The following ALOXE3 variants were observed in gnomAD, a reference collection of about 807,000 sequenced individuals.
ALOXE3 encodes the protein hydroperoxide isomerase ALOXE3.
ALOXE3 carries 78 observed loss-of-function variants against 87.5 expected under a neutral mutation model. The observed-to-expected ratio is 0.89, with a 90% CI of 0.74 to 1.08. The LOEUF is 1.08. Ranked by LOEUF, ALOXE3 falls within the 50% of genes least tolerant of loss-of-function variation. The pLI, the probability that ALOXE3 is intolerant of heterozygous loss-of-function variation, is 0.00. For synonymous variants in ALOXE3, 363 were observed against 370.8 expected (o/e 0.98, Z 0.24); for missense variants, 946 against 912.4 (o/e 1.04, Z -0.47).
rs749374028 is a variant in ALOXE3, at chr17:8,108,613, C to T, written c.1563-24G>A. On this transcript the variant is annotated intron_variant, in intron 12 of 15. Transcript: ENST00000448843. Reference sequence around the variant, plus strand: ...AGCTGCAGGAAAGAGATGCTGGTACCACTGGAGTAACCACGGGCTCAGTCC... The same window carrying T: ...AGCTGCAGGAAAGAGATGCTGGTACTACTGGAGTAACCACGGGCTCAGTCC... The T allele has an allele frequency of 2.5e-6, 4 of 1,606,212 alleles. No homozygotes were observed. The Admixed American group carries it at 5.0e-5, about 20-fold the overall frequency.
At chr17:8,108,638 C>A (rs1979720319) in intron 12 of ALOXE3, 49 bp from the exon 13 acceptor site, 1 of 1,597,366 alleles carries the variant, frequency 6.3e-7, no homozygotes, top group East Asian at 2.3e-5. Flanking sequence ...GGGCTCAGTC[C>A]TGGCCAGGAA....
rs894705608 is a variant in ALOXE3 at position 8,111,988 on chromosome 17, T to A, written c.784+105A>T. Reference sequence around the variant, plus strand: ...AGCCCCTCCCACTCAAATCCAGCAGTCTCCCTGGGAGGGCTGGGAGAGGGC... The same window carrying A: ...AGCCCCTCCCACTCAAATCCAGCAGACTCCCTGGGAGGGCTGGGAGAGGGC... On this transcript the variant is annotated intron_variant, in intron 7 of 15. Transcript: ENST00000448843. 3.8e-6 allele frequency: 4 copies of A among 1,046,822 alleles called. No individual in the cohort carries two copies. The African/African-American group carries it at 4.7e-5, about 12-fold the overall frequency. The allele number at this position is 1,046,822 out of a possible 1,614,324, so 64.8% of individuals were successfully genotyped here. A position where few individuals can be genotyped will look rare whatever the true frequency, so the allele number is the denominator to read the frequency against.
At chr17:8,111,243 C>A in intron 8 of ALOXE3, 116 bp downstream of exon 8, 2 of 1,288,378 alleles carry the variant, frequency 1.6e-6, no homozygotes, top group Non-Finnish European at 2.2e-6. Flanking sequence ...GAGGATGAGG[C>A]CCACAGGTGA....
chr17:8,110,655 G>T, intron 8 of ALOXE3, 127 bp from the exon 9 acceptor site: 1 of 1,375,408 alleles, frequency 7.3e-7, no homozygotes, highest in South Asian at 1.3e-5. Flanking sequence ...AATTCTTGGT[G>T]CCTGAATTAA....
At chr17:8,103,255 C>G in intron 15 of ALOXE3, 68 bp downstream of exon 15, 1 of 1,582,156 alleles carries the variant, frequency 6.3e-7, no homozygotes, top group Non-Finnish European at 8.7e-7. Context: ...AGCCCCCAGA[C>G]GAAGCCACCA....
chr17:8,115,185 G>A, intron 4 of ALOXE3, 128 bp from the exon 5 acceptor site: 1 of 1,318,668 alleles, frequency 7.6e-7, no homozygotes, highest in Non-Finnish European at 1.1e-6. Context: ...ACAAGGAATT[G>A]GACATTTCTC....
chr17:8,111,898 C>T (rs1980124525), intron 7 of ALOXE3, among the ~76,000 whole-genome samples, 195 bp downstream of exon 7: 1 of 152,092 alleles, frequency 6.6e-6, no homozygotes, highest in South Asian at 2.1e-4. Flanking sequence ...CTGTTTTTGT[C>T]CCCTCCTCAG....
rs550024810 is a variant in ALOXE3 at position 8,100,221 on chromosome 17, G to A, written c.1956+3102C>T. On this transcript the variant is annotated intron_variant, in intron 15 of 15. Transcript: ENST00000448843. ...TCTGGGCCTAGACTTGAAGAAATCT[G>A]AAAGCTTGTTTGCAATCTTGGAAGC... Among the ~76,000 whole-genome samples the A allele has an allele frequency of 2.0e-5, 3 of 152,276 alleles. No homozygotes were observed. The South Asian group carries it at 6.2e-4, about 32-fold the overall frequency.
intron 7 of ALOXE3, 110 bp from the exon 8 acceptor site, chr17:8,111,641 T>C (rs1275413072): frequency 4.5e-6 from 5 of 1,114,256 alleles, no homozygotes; most frequent in Non-Finnish European, 4.1e-6. Flanking sequence ...CCAAAAACTC[T>C]ATGAGGTAGG....
chr17:8,102,514 T>C (rs1415583623), intron 15 of ALOXE3, among the ~76,000 whole-genome samples: 10 of 152,110 alleles, frequency 6.6e-5, no homozygotes, highest in African/African-American at 9.7e-5. Flanking sequence ...GAAGCCTTGA[T>C]TGGCTACCCT....
chr17:8,096,916 C>T, intron 15 of ALOXE3, 110 bp from the exon 16 acceptor site: 1 of 1,249,644 alleles, frequency 8.0e-7, no homozygotes, highest in East Asian at 2.5e-5. Flanking sequence ...GTAGCACAAC[C>T]CAGTTGCAGC....
At position 8,111,466 on chromosome 17, in the gene ALOXE3, G is replaced by C; in HGVS notation, c.850C>G (p.Pro284Ala). Residue 284 changes from proline to alanine, a missense_variant, in exon 8 of 16, where the codon CCC (proline) becomes GCC (alanine). Transcript: ENST00000448843. The stretch of plus-strand genomic sequence containing the variant: ...CTAGAGATGCAGTGGAGCATGACGG[G>C]ATTGACACCATTCAGGTACTGGTAC... ...FGYQYLNGVN[P>A]VMLHCISSLP... is the part of the protein sequence containing the mutation. 1.9e-6 allele frequency: 3 copies of C among 1,614,172 alleles called. No individual in the cohort carries two copies. Among genetic ancestry groups the C allele is most frequent in the Non-Finnish European group, 2.5e-6 (3 of 1,180,034 alleles).
rs553934472 is a variant in ALOXE3 at position 8,096,564 on chromosome 17, C to T, written c.*63G>A. On this transcript the variant is annotated 3_prime_UTR_variant, in exon 16 of 16. Transcript: ENST00000448843. ...GGGAGGATGGAAGGGTCTGGAGGAC[C>T]TGAGGAACTGGTCCTCCTCATGCTT... is the stretch of plus-strand genomic sequence containing the variant. 6 of 833,694 alleles carry T rather than the reference C, an allele frequency of 7.2e-6. No homozygotes were observed. Among genetic ancestry groups the T allele is most frequent in the Non-Finnish European group, 1.3e-5 (6 of 467,390 alleles). 51.6% of individuals were successfully genotyped at this position (833,694 alleles called of 1,614,324 possible).
intron 5 of ALOXE3, 22 bp downstream of exon 5, chr17:8,114,916 C>T (rs770084000): frequency 1.2e-6 from 2 of 1,614,038 alleles, no homozygotes; most frequent in South Asian, 1.1e-5. Flanking sequence ...CTTTCCCCTC[C>T]TTCCCAAGCT....
At chr17:8,108,068 G>GAAAGA (rs1567997181) in intron 13 of ALOXE3, among the ~76,000 whole-genome samples, 4 of 143,842 alleles carry the variant, frequency 2.8e-5, no homozygotes, top group Admixed American at 6.9e-5. Context: ...AGAAAGAAAG[G>GAAAGA]AAGAGAGGTT....
intron 14 of ALOXE3, 67 bp downstream of exon 14, chr17:8,104,048 C>A: frequency 7.0e-7 from 1 of 1,438,688 alleles, no homozygotes; most frequent in Non-Finnish European, 9.6e-7. Flanking sequence ...AAGCTCTCAA[C>A]CCAAATTCAG....
At chr17:8,098,433 T>G (rs1423248218) in intron 15 of ALOXE3, among the ~76,000 whole-genome samples, 2 of 151,702 alleles carry the variant, frequency 1.3e-5, no homozygotes, top group African/African-American at 4.8e-5. Flanking sequence ...AGAGATGAGG[T>G]TTCACCATGT....
chr17:8,099,095 C>T (rs1296618815), intron 15 of ALOXE3, among the ~76,000 whole-genome samples: 2 of 147,692 alleles, frequency 1.4e-5, no homozygotes, highest in Non-Finnish European at 3.0e-5. Flanking sequence ...TGGGCCCAAG[C>T]GGTCCTCTTG....
intron 6 of ALOXE3, among the ~76,000 whole-genome samples, chr17:8,114,122 C>T (rs991239800): frequency 2.6e-5 from 4 of 151,728 alleles, no homozygotes; most frequent in East Asian, 1.9e-4. Flanking sequence ...GGCCCAGGAA[C>T]GATGTCACCT....
Sources: gnomAD v4.1 joint callset for allele counts (sites outside exome capture counted in the v4.1 genomes callset) on GRCh38, gnomAD v4.1.1 for gene constraint, MANE v1.5 for transcripts, NCBI Gene and HGNC (gene_info 2026-07-23, HGNC 2026-07-21) for gene names.